Variants in TATDN2 observed in about 807,000 individuals in gnomAD.
TATDN2 encodes TatD DNase domain containing 2, also known as 3'-5' RNA nuclease TATDN2.
Under a neutral mutation model 60.3 loss-of-function variants are expected in TATDN2, and 44 were observed. The observed-to-expected ratio is 0.73, with a 90% CI of 0.57 to 0.94. TATDN2 has a LOEUF of 0.94. TATDN2 is among the 40% of genes least tolerant of loss of function. The probability of loss-of-function intolerance (pLI) is 0.00; values close to 1 mark genes in which losing one functional copy is unlikely to be tolerated. For missense variants in TATDN2, 997 were observed against 948.0 expected, an observed-to-expected ratio of 1.05 and a Z score of -0.68; for synonymous variants, 399 against 355.8, an observed-to-expected ratio of 1.12 and a Z score of -1.37.
In TATDN2 at chr3:10,279,016, C is replaced by T. The variant is rs537029764; in HGVS notation, c.2277C>T (p.Tyr759=). The change falls in exon 7 of 8, where the codon TAC becomes TAT. Residue 759 remains tyrosine (Y), a synonymous_variant. Transcript: ENST00000448281. ...TGCGTGAGAACACCAGTCGCCTCTA[C>T]AGTCTTTAAGCAGAGAAGGTACAGT... ...AALRENTSRL[Y]SL is the part of the protein sequence containing the mutation. 5.0e-5 allele frequency: 81 copies of T among 1,614,236 alleles called. No homozygotes were observed. The South Asian group carries it at 8.0e-4, about 16-fold the overall frequency.
intron 2 of TATDN2, among the ~76,000 whole-genome samples, chr3:10,258,201 T>TA (rs988984013): frequency 6.6e-6 from 1 of 150,908 alleles, no homozygotes; most frequent in African/African-American, 2.4e-5. Context: ...GGATAATGAT[T>TA]AAAAAAAAAT....
In TATDN2 at chr3:10,279,745, C is replaced by T. The variant is rs767341484; in HGVS notation, c.*563C>T. On this transcript the variant is annotated 3_prime_UTR_variant, in exon 8 of 8. Coordinates refer to ENST00000448281, the MANE Select transcript of TATDN2 (RefSeq NM_014760.4). The stretch of plus-strand genomic sequence containing the variant: ...CTGGATAACTCTTCAGTTTGACTGT[C>T]ACTGTTCTGGTGTCAACTCCAGCGT... The T allele has an allele frequency of 2.0e-5, 3 of 152,446 alleles. No homozygotes were observed. Among genetic ancestry groups the T allele is most frequent in the Non-Finnish European group, 4.4e-5 (3 of 68,104 alleles). 9.4% of individuals were successfully genotyped at this position (152,446 alleles called of 1,614,324 possible).
intron 4 of TATDN2, among the ~76,000 whole-genome samples, chr3:10,272,079 G>T (rs1698574994): frequency 6.6e-6 from 1 of 152,154 alleles, no homozygotes. Context: ...TAGTGCTTTG[G>T]CAGGGTAAGA....
chr3:10,270,003 T>C, intron 3 of TATDN2, 128 bp from the exon 4 acceptor site: 1 of 1,215,300 alleles, frequency 8.2e-7, no homozygotes, highest in Non-Finnish European at 1.1e-6. Flanking sequence ...GGTGAGCTAA[T>C]GAGCCAATGC....
At chr3:10,267,442 T>A (rs1314037761) in intron 3 of TATDN2, among the ~76,000 whole-genome samples, 1 of 148,418 alleles carries the variant, frequency 6.7e-6, no homozygotes, top group Admixed American at 6.6e-5. Context: ...CCAGTCTGAT[T>A]AAATTTCCCT....
chr3:10,262,340 T>C (rs972403995), intron 3 of TATDN2, among the ~76,000 whole-genome samples: 5 of 152,190 alleles, frequency 3.3e-5, no homozygotes, highest in African/African-American at 7.2e-5. Context: ...TCTCACATTT[T>C]GGTGGAATAC....
At chr3:10,253,511 T>C (rs145686827) in intron 2 of TATDN2, among the ~76,000 whole-genome samples, 7 of 152,370 alleles carry the variant, frequency 4.6e-5, no homozygotes, top group Non-Finnish European at 7.3e-5. Context: ...TGTTAGCTGA[T>C]GATCTTCATT....
chr3:10,251,495 C>T (rs1698231811), intron 2 of TATDN2, among the ~76,000 whole-genome samples: 1 of 152,000 alleles, frequency 6.6e-6, no homozygotes, highest in Admixed American at 6.6e-5. Flanking sequence ...AAACAATTCT[C>T]CTGCCTCAGC....
Position 10,278,301 on chromosome 3 carries a change from C to G in TATDN2, c.1984C>G (p.Pro662Ala). The stretch of plus-strand genomic sequence containing the variant: ...CAGGCATTGCTTCACCGGCAGCTAC[C>G]CGGTCATTGAGCCCCTGCTGAAGTA... ...IHRHCFTGSY[P>A]VIEPLLKYFP... Residue 662 changes from proline to alanine, a missense_variant, in exon 6 of 8, where the codon CCG becomes GCG. By Grantham distance (27) the Pro-to-Ala change is conservative. Coordinates refer to ENST00000448281, the MANE Select transcript of TATDN2 (RefSeq NM_014760.4). This position sits in a 1 kb window ranked among gnomAD's most constrained non-coding sequence, Gnocchi z 4.7. The G allele has an allele frequency of 3.1e-6, 5 of 1,613,960 alleles. No homozygotes were observed. The South Asian group carries it at 5.5e-5, about 18-fold the overall frequency.
At chr3:10,266,208 T>C (rs1698473364) in intron 3 of TATDN2, among the ~76,000 whole-genome samples, 1 of 152,198 alleles carries the variant, frequency 6.6e-6, no homozygotes, top group Non-Finnish European at 1.5e-5. Context: ...AACTATATGC[T>C]ATATATATAA....
chr3:10,277,685 G>GT (rs1698658762), intron 5 of TATDN2, among the ~76,000 whole-genome samples: 1 of 152,130 alleles, frequency 6.6e-6, no homozygotes, highest in African/African-American at 2.4e-5. Flanking sequence ...GGGTCGGTTG[G>GT]TTTTTCATTA....
At position 10,270,684 on chromosome 3, in the gene TATDN2, A is replaced by G; in HGVS notation, c.1502A>G (p.His501Arg). 1 of 1,614,208 alleles carries G rather than the reference A, an allele frequency of 6.2e-7. No individual in the cohort carries two copies. Among genetic ancestry groups the G allele is most frequent in the Non-Finnish European group, 8.5e-7 (1 of 1,180,028 alleles). Residue 501 changes from histidine to arginine, a missense_variant, in exon 4 of 8, where the codon CAC becomes CGC. By Grantham distance (29) the His-to-Arg change is conservative. Coordinates refer to ENST00000448281, the MANE Select transcript of TATDN2 (RefSeq NM_014760.4). ...GAGGGCTTCATTGACACTCATTGTCACCTGGACATGCTCTATTCCAAGCTA... is the reference window on the plus strand; with the variant it reads ...GAGGGCTTCATTGACACTCATTGTCGCCTGGACATGCTCTATTCCAAGCTA... Reference protein sequence around the residue: ...LEEGFIDTHCHLDMLYSKLSF... With the variant: ...LEEGFIDTHCRLDMLYSKLSF...
chr3:10,270,504 G>C lies in TATDN2; in HGVS notation c.1322G>C (p.Trp441Ser), dbSNP rs751139427. The C allele has an allele frequency of 1.2e-6, 2 of 1,614,210 alleles. No homozygotes were observed. The highest frequency in any genetic ancestry group is 1.1e-5 in the South Asian group (1 of 91,082). Residue 441 changes from tryptophan (W) to serine (S), a missense_variant, in exon 4 of 8, where the codon TGG (tryptophan) becomes TCG (serine). Transcript: ENST00000448281. Reference protein sequence around the residue: ...SRDMEASEEGWSQNSRSFRFS... With the variant: ...SRDMEASEEGSSQNSRSFRFS... Reference sequence around the variant, plus strand: ...GACATGGAGGCCTCAGAGGAAGGCTGGTCCCAGAATTCTCGTTCATTTCGC... The same window carrying C: ...GACATGGAGGCCTCAGAGGAAGGCTCGTCCCAGAATTCTCGTTCATTTCGC...
Position 10,270,784 on chromosome 3 carries a change from C to T in TATDN2, c.1602C>T (p.Ile534=), listed in dbSNP as rs1400584413. Residue 534 remains isoleucine (I), a synonymous_variant, in exon 4 of 8, where the codon ATC becomes ATT. Transcript: ENST00000448281. ...TCCCTAAGGAATTTCAGGGCTGCAT[C>T]TCTGACTTCTGTGATCCCCGCACCC... ...SSFPKEFQGC[I]SDFCDPRTLT... is the part of the protein sequence containing the mutation. 6 of 1,614,202 alleles carry T rather than the reference C, an allele frequency of 3.7e-6. No homozygotes were observed. Among genetic ancestry groups the T allele is most frequent in the South Asian group, 3.3e-5 (3 of 91,080 alleles).
chr3:10,252,966 C>A (rs1698253948), intron 2 of TATDN2, among the ~76,000 whole-genome samples: 1 of 151,454 alleles, frequency 6.6e-6, no homozygotes, highest in Non-Finnish European at 1.5e-5. Flanking sequence ...ACGCCATTCT[C>A]CTTCCTCAGC....
chr3:10,273,294 A>C (rs1698592050), intron 4 of TATDN2, among the ~76,000 whole-genome samples: 1 of 152,102 alleles, frequency 6.6e-6, no homozygotes, highest in Non-Finnish European at 1.5e-5. Flanking sequence ...GGGGATATGG[A>C]CACTGTTTTG....
At position 10,278,993 on chromosome 3, in the gene TATDN2, C is replaced by T. The variant is rs1396011446; in HGVS notation, c.2254C>T (p.Arg752Cys). 4 of 1,614,230 alleles carry T rather than the reference C, an allele frequency of 2.5e-6. No homozygotes were observed. Among genetic ancestry groups the T allele is most frequent in the Admixed American group, 1.7e-5 (1 of 60,032 alleles). Residue 752 changes from arginine (R) to cysteine (C), a missense_variant, in exon 7 of 8, where the codon CGT (arginine) becomes TGT (cysteine). Transcript: ENST00000448281. The surrounding 1 kb of genome is among the most constrained non-coding windows in gnomAD (Gnocchi z 4.7). ...ACTCTCCCTCACCTTGGCTGCCTTG[C>T]GTGAGAACACCAGTCGCCTCTACAG... ...QPLSLTLAAL[R>C]ENTSRLYSL is the part of the protein sequence containing the mutation.
intron 2 of TATDN2, among the ~76,000 whole-genome samples, chr3:10,252,447 A>G (rs1038501469): frequency 2.6e-5 from 4 of 152,312 alleles, no homozygotes; most frequent in South Asian, 4.1e-4. Context: ...TTCCTGGAGT[A>G]TATGTTTGTC....
At position 10,270,475 on chromosome 3, in the gene TATDN2, C is replaced by T; in HGVS notation, c.1293C>T (p.Ser431=). The T allele has an allele frequency of 6.2e-7, 1 of 1,614,188 alleles. No homozygotes were observed. The highest frequency in any genetic ancestry group is 8.5e-7 in the Non-Finnish European group (1 of 1,180,030). The change falls in exon 4 of 8, where the codon TCC becomes TCT. Residue 431 remains serine (S), a synonymous_variant. Coordinates refer to ENST00000448281, the MANE Select transcript of TATDN2 (RefSeq NM_014760.4). ...PNSTGSVQNT[S]RDMEASEEGW... ...CTACAGGGAGTGTCCAAAACACCTC[C>T]AGAGACATGGAGGCCTCAGAGGAAG... is the stretch of plus-strand genomic sequence containing the variant.
Sources: allele counts gnomAD v4.1 joint callset (sites outside exome capture counted in the v4.1 genomes callset), GRCh38; gene constraint gnomAD v4.1.1; non-coding constraint Gnocchi (gnomAD v3.1); transcripts MANE v1.5; gene names NCBI Gene and HGNC (gene_info 2026-07-23, HGNC 2026-07-21).